The following PMS1 variants were observed in gnomAD, a reference collection of about 807,000 sequenced individuals.
The protein encoded by PMS1 is PMS1 homolog 1, mismatch repair system component, also known as PMS1 protein homolog 1.
Under a neutral mutation model 93.1 loss-of-function variants are expected in PMS1, and 79 were observed. That is an observed-to-expected ratio of 0.85 (90% CI 0.71 to 1.02). The LOEUF is 1.02. Among genes scored for constraint, PMS1 ranks in the 50% least tolerant of loss-of-function variants. The pLI is 0.00. For synonymous variants in PMS1, 335 were observed against 363.4 expected, an observed-to-expected ratio of 0.92 and a Z score of 0.89; for missense variants, 1,064 against 1,085.3, an observed-to-expected ratio of 0.98 and a Z score of 0.28.
At chr2:189,792,450 T>C (rs1416141045) in intron 2 of PMS1, among the ~76,000 whole-genome samples, 1 of 148,698 alleles carries the variant, frequency 6.7e-6, no homozygotes, top group Non-Finnish European at 1.5e-5. Flanking sequence ...ATTTTATTCA[T>C]TTTTGTGTCC....
At chr2:189,873,751 G>C (rs984772242) in intron 12 of PMS1, 95 bp downstream of exon 12, 13 of 846,068 alleles carry the variant, frequency 1.5e-5, no homozygotes, top group Middle Eastern at 3.4e-4. Context: ...GGAGGTGAGC[G>C]GCCTCCTAGC....
At chr2:189,808,529 C>T (rs1201570833) in intron 4 of PMS1, among the ~76,000 whole-genome samples, 2 of 151,906 alleles carry the variant, frequency 1.3e-5, no homozygotes, top group African/African-American at 2.4e-5. Flanking sequence ...CAGGGTTTTG[C>T]CGTGTTGGCC....
chr2:189,799,751 G>C (rs2049711465), intron 3 of PMS1, among the ~76,000 whole-genome samples: 2 of 152,310 alleles, frequency 1.3e-5, no homozygotes, highest in South Asian at 4.2e-4. Flanking sequence ...TCTGGAGCTT[G>C]CCCTTACCGC....
Position 189,854,091 on chromosome 2 carries a change from T to C in PMS1, c.966+9T>C. On this transcript the variant is annotated intron_variant, in intron 8 of 12. Coordinates refer to ENST00000441310, the MANE Select transcript of PMS1 (RefSeq NM_000534.5). ...TATTATTACAAAATAAGGTAACTCT[T>C]TTCAGATAATTTTTTCTTATGCTAT... The C allele has an allele frequency of 1.3e-6, 2 of 1,560,006 alleles. No individual in the cohort carries two copies. The highest frequency in any genetic ancestry group is 1.8e-6 in the Non-Finnish European group (2 of 1,141,774).
intron 12 of PMS1, among the ~76,000 whole-genome samples, chr2:189,877,061 A>G (rs1020076014): frequency 5.9e-5 from 9 of 152,062 alleles, no homozygotes; most frequent in African/African-American, 2.2e-4. Flanking sequence ...GTTTCTCTGC[A>G]CTAGAATGTA....
At chr2:189,796,032 G>C in intron 3 of PMS1, 81 bp downstream of exon 3, 2 of 1,032,666 alleles carry the variant, frequency 1.9e-6, no homozygotes, top group Non-Finnish European at 1.5e-6. Flanking sequence ...ATTTGGTGAA[G>C]TATGGTTTTA....
In PMS1 at chr2:189,873,526, TAGAA is replaced by T; in HGVS notation, c.2505_2508del (p.Ile835MetfsTer12). The stretch of plus-strand genomic sequence containing the variant: ...TCAATTACTGAAAATTACTTGGAAA[TAGAA>T]GGAATGGCTAATTGTCTCCCATTCT... On this transcript the variant is annotated frameshift_variant, in exon 12 of 13. Transcript: ENST00000441310. LOFTEE classifies it high-confidence loss of function. The T allele has an allele frequency of 1.3e-6, 2 of 1,597,968 alleles. No homozygotes were observed. The highest frequency in any genetic ancestry group is 1.7e-6 in the Non-Finnish European group (2 of 1,165,428).
intron 1 of PMS1, among the ~76,000 whole-genome samples, chr2:189,791,440 CA>C (rs1285226809): frequency 6.6e-6 from 1 of 151,890 alleles, no homozygotes; most frequent in Non-Finnish European, 1.5e-5. Flanking sequence ...ACCAACTTGG[CA>C]AAACCCCATT....
At chr2:189,798,511 GGAGTTCACAGAGCCTTCAAATAGATTT>G in intron 3 of PMS1, among the ~76,000 whole-genome samples, 1 of 152,270 alleles carries the variant, frequency 6.6e-6, no homozygotes, top group Non-Finnish European at 1.5e-5. Context: ...CGCTTTATTT[GGAGTTCACAGAGCCTTCAAATAGATTT>G]TGGGGAAGAG....
chr2:189,820,335 C>G (rs1287510105), intron 5 of PMS1, among the ~76,000 whole-genome samples: 3 of 151,702 alleles, frequency 2.0e-5, no homozygotes, highest in Admixed American at 2.0e-4. Flanking sequence ...GAGAGGGTCT[C>G]GTTCTGTCAC....
In PMS1 at chr2:189,832,614, T is replaced by C. The variant is rs1443679958; in HGVS notation, c.583-11350T>C. On this transcript the variant is annotated intron_variant, in intron 5 of 12. Coordinates refer to ENST00000441310, the MANE Select transcript of PMS1 (RefSeq NM_000534.5). ...CCGGGTAGCTGGGACTACAGGCGCG[T>C]GCCACCATGCCCAGCTAATTTTTTG... Among the ~76,000 whole-genome samples the C allele has an allele frequency of 2.0e-5, 3 of 152,116 alleles. No homozygotes were observed. In the East Asian group the frequency reaches 5.8e-4, roughly 29 times the overall value.
intron 5 of PMS1, among the ~76,000 whole-genome samples, chr2:189,818,961 GT>G (rs1171232153): frequency 6.6e-6 from 1 of 152,218 alleles, no homozygotes; most frequent in African/African-American, 2.4e-5. Context: ...GATATGTTGT[GT>G]AGTGGCGAAG....
At chr2:189,804,339 C>G (rs1363384130) in intron 3 of PMS1, among the ~76,000 whole-genome samples, 1 of 152,194 alleles carries the variant, frequency 6.6e-6, no homozygotes, top group Non-Finnish European at 1.5e-5. Context: ...AAGAAAATCT[C>G]TAGCACTTTC....
chr2:189,850,906 GA>G (rs1415291762), intron 6 of PMS1, among the ~76,000 whole-genome samples: 3 of 152,180 alleles, frequency 2.0e-5, no homozygotes, highest in Non-Finnish European at 4.4e-5. Flanking sequence ...GAAGGGAAGA[GA>G]GGGGCGGACC....
chr2:189,874,928 G>GA (rs1467025921), intron 12 of PMS1, among the ~76,000 whole-genome samples: 4 of 151,896 alleles, frequency 2.6e-5, no homozygotes, highest in African/African-American at 9.7e-5. Flanking sequence ...GAAATAACAG[G>GA]AATAAAGTAA....
At chr2:189,805,475 G>A (rs554281220) in intron 3 of PMS1, among the ~76,000 whole-genome samples, 177 bp from the exon 4 acceptor site, 1 of 152,246 alleles carries the variant, frequency 6.6e-6, no homozygotes, top group African/African-American at 2.4e-5. Flanking sequence ...ATACAAGCTG[G>A]CCTGTTGCTT....
intron 1 of PMS1, among the ~76,000 whole-genome samples, chr2:189,786,119 C>T (rs2048323540): frequency 6.6e-6 from 1 of 151,570 alleles, no homozygotes; most frequent in African/African-American, 2.4e-5. Context: ...GACCCTGTCA[C>T]AAAAAATAAA....
At chr2:189,820,119 T>C (rs2051694338) in intron 5 of PMS1, among the ~76,000 whole-genome samples, 1 of 152,184 alleles carries the variant, frequency 6.6e-6, no homozygotes, top group Non-Finnish European at 1.5e-5. Context: ...GGTGTATTAG[T>C]TTTCTGTAAT....
At chr2:189,817,287 T>C (rs1342295735) in intron 4 of PMS1, among the ~76,000 whole-genome samples, 1 of 152,218 alleles carries the variant, frequency 6.6e-6, no homozygotes, top group Admixed American at 6.5e-5. Context: ...AAGAATCACA[T>C]GGGGAGATTG....
Sources: gnomAD v4.1 joint callset for allele counts (sites outside exome capture counted in the v4.1 genomes callset) on GRCh38, gnomAD v4.1.1 for gene constraint, MANE v1.5 for transcripts, NCBI Gene and HGNC (gene_info 2026-07-23, HGNC 2026-07-21) for gene names.